Variants in CACNA2D1 observed in about 807,000 individuals in gnomAD.
CACNA2D1 encodes the protein calcium voltage-gated channel auxiliary subunit alpha2delta 1.
A neutral mutation model predicts 171.5 loss-of-function variants in CACNA2D1; 53 were observed. The ratio of observed to expected loss-of-function variants is 0.31; its 90% CI spans 0.25 to 0.39. The LOEUF (loss-of-function observed/expected upper bound fraction) is 0.39, where lower values mean the gene tolerates loss of function less well. Ranked by LOEUF, CACNA2D1 falls within the 10% of genes least tolerant of loss-of-function variation. CACNA2D1 has a pLI of 1.00. For synonymous variants in CACNA2D1, 442 were observed against 443.1 expected (o/e 1.00, Z 0.03); for missense variants, 903 against 1,299.8 (o/e 0.69, Z 4.69).
At chr7:82,318,331 T>C (rs1210383172) in intron 3 of CACNA2D1, among the ~76,000 whole-genome samples, 1 of 152,146 alleles carries the variant, frequency 6.6e-6, no homozygotes, top group Non-Finnish European at 1.5e-5. Flanking sequence ...CTGTAATATC[T>C]AGACCAGAGT....
At position 81,950,112 on chromosome 7, in the gene CACNA2D1, C is replaced by T. The variant is rs1027829408; in HGVS notation, c.*280G>A. The T allele has an allele frequency of 2.2e-6, 1 of 448,124 alleles. No individual in the cohort carries two copies. The allele number at this position is 448,124 out of a possible 1,614,324, so 27.8% of individuals were successfully genotyped here. The stretch of plus-strand genomic sequence containing the variant: ...CTTTCACATGTAATCACCAACAATG[C>T]AACAACAAACTCCCAAATTTTCCAA... On this transcript the variant is annotated 3_prime_UTR_variant, in exon 39 of 39. Transcript: ENST00000356860.
chr7:82,300,533 T>C (rs554005655), intron 3 of CACNA2D1, among the ~76,000 whole-genome samples: 6 of 152,280 alleles, frequency 3.9e-5, no homozygotes, highest in African/African-American at 1.2e-4. Context: ...CCTCAGTAAT[T>C]TGCTATATTT....
At chr7:82,090,075 T>C (rs985070745) in intron 6 of CACNA2D1, among the ~76,000 whole-genome samples, 1 of 152,174 alleles carries the variant, frequency 6.6e-6, no homozygotes, top group Non-Finnish European at 1.5e-5. Context: ...ATCATCAAAA[T>C]CAAGTTAATT....
chr7:82,200,715 TG>T (rs111552707), intron 3 of CACNA2D1, among the ~76,000 whole-genome samples: 15,325 of 152,250 alleles, frequency 0.1, 1,252 homozygotes, highest in African/African-American at 0.22. Flanking sequence ...TCCATGATTC[TG>T]GACAGAACTC....
intron 18 of CACNA2D1, among the ~76,000 whole-genome samples, chr7:82,002,747 A>T (rs1798735804): frequency 6.6e-6 from 1 of 152,176 alleles, no homozygotes; most frequent in Non-Finnish European, 1.5e-5. Flanking sequence ...AATTCAACAT[A>T]CGTCAAAATG....
chr7:82,043,819 A>C (rs1372522413), intron 10 of CACNA2D1, among the ~76,000 whole-genome samples: 2 of 152,162 alleles, frequency 1.3e-5, no homozygotes. Flanking sequence ...CAAGTCAAAG[A>C]AGCAGAAAGT....
chr7:82,322,063 T>G (rs1430888176), intron 3 of CACNA2D1, among the ~76,000 whole-genome samples: 1 of 126,022 alleles, frequency 7.9e-6, no homozygotes, highest in African/African-American at 3.1e-5. Flanking sequence ...GAGGCGGAGC[T>G]TGCAGTGAGC....
At chr7:82,051,368 G>A (rs1411787986) in intron 10 of CACNA2D1, among the ~76,000 whole-genome samples, 1 of 152,092 alleles carries the variant, frequency 6.6e-6, no homozygotes, top group Non-Finnish European at 1.5e-5. Flanking sequence ...TTCTAGGACT[G>A]CTGCTTAGCG....
chr7:82,242,968 A>C (rs1264600055), intron 3 of CACNA2D1, among the ~76,000 whole-genome samples: 1 of 152,118 alleles, frequency 6.6e-6, no homozygotes, highest in Non-Finnish European at 1.5e-5. Flanking sequence ...TTGTTTTAAA[A>C]CCATAAATCA....
intron 1 of CACNA2D1, among the ~76,000 whole-genome samples, chr7:82,394,947 T>A (rs1489289956): frequency 6.6e-6 from 1 of 152,170 alleles, no homozygotes; most frequent in African/African-American, 2.4e-5. Flanking sequence ...TATTTTTTTA[T>A]ACTTCTTTTA....
In CACNA2D1 at chr7:82,335,264, A is replaced by G. The variant is rs1817851125; in HGVS notation, c.178-13T>C. The G allele has an allele frequency of 1.4e-6, 2 of 1,424,462 alleles. No homozygotes were observed. The highest frequency in any genetic ancestry group is 9.9e-7 in the Non-Finnish European group (1 of 1,008,942). 88.2% of individuals were successfully genotyped at this position (1,424,462 alleles called of 1,614,324 possible). ...ATTTCTCATAAATCTGTGTGAAAGA[A>G]AAAAAAAACTAGTAAGAACAATAGT... On this transcript the variant is annotated splice_polypyrimidine_tract_variant and intron_variant, in intron 2 of 38. Coordinates refer to ENST00000356860, the MANE Select transcript of CACNA2D1 (RefSeq NM_000722.4).
At chr7:81,994,460 T>G (rs560216817) in intron 20 of CACNA2D1, among the ~76,000 whole-genome samples, 8 of 151,994 alleles carry the variant, frequency 5.3e-5, no homozygotes, top group Non-Finnish European at 1.0e-4. Flanking sequence ...TGGAACTCAA[T>G]AATTAGAATA....
At chr7:81,991,161 T>C (rs1385801632) in intron 21 of CACNA2D1, 24 bp downstream of exon 21, 2 of 1,131,768 alleles carry the variant, frequency 1.8e-6, no homozygotes, top group Non-Finnish European at 2.7e-6. Flanking sequence ...GAATACACAA[T>C]ACACATAAAA....
At chr7:81,994,841 TAAG>T (rs767344536) in intron 20 of CACNA2D1, 24 bp downstream of exon 20, 2 of 1,128,922 alleles carry the variant, frequency 1.8e-6, no homozygotes, top group Non-Finnish European at 2.7e-6. Flanking sequence ...AATTTTTATT[TAAG>T]AATAAGCTAG....
chr7:82,041,421 A>G (rs1803954612), intron 10 of CACNA2D1, among the ~76,000 whole-genome samples: 1 of 152,164 alleles, frequency 6.6e-6, no homozygotes, highest in Non-Finnish European at 1.5e-5. Context: ...GATTTGGATG[A>G]TGATAGTTAC....
intron 6 of CACNA2D1, among the ~76,000 whole-genome samples, chr7:82,112,876 C>A (rs1306439439): frequency 6.6e-6 from 1 of 152,072 alleles, no homozygotes; most frequent in Non-Finnish European, 1.5e-5. Flanking sequence ...TTTAAGATAA[C>A]ACAATTGAAT....
At chr7:82,137,706 C>CAAAAAAAA (rs1791808315) in intron 4 of CACNA2D1, among the ~76,000 whole-genome samples, 1 of 34,338 alleles carries the variant, frequency 2.9e-5, no homozygotes, top group Non-Finnish European at 5.0e-5. Context: ...TCCGTCTCTA[C>CAAAAAAAA]TAAAAAAAAA....
intron 12 of CACNA2D1, among the ~76,000 whole-genome samples, chr7:82,032,232 T>TC (rs1802788160): frequency 6.6e-6 from 1 of 151,990 alleles, no homozygotes; most frequent in African/African-American, 2.4e-5. Flanking sequence ...TTCACAGTCT[T>TC]CATTTGCTTA....
chr7:82,093,060 A>C (rs1811412417), intron 6 of CACNA2D1, among the ~76,000 whole-genome samples: 1 of 151,948 alleles, frequency 6.6e-6, no homozygotes, highest in Admixed American at 6.6e-5. Context: ...CCTTTTTCTA[A>C]GTGGTATTTT....
Sources: allele counts gnomAD v4.1 joint callset (sites outside exome capture counted in the v4.1 genomes callset), GRCh38; gene constraint gnomAD v4.1.1; transcripts MANE v1.5; gene names NCBI Gene and HGNC (gene_info 2026-07-23, HGNC 2026-07-21).